Variants in SPOCK3 observed in about 807,000 individuals in gnomAD.
SPOCK3 encodes the protein SPARC (osteonectin), cwcv and kazal like domains proteoglycan 3.
A neutral mutation model predicts 56.6 loss-of-function variants in SPOCK3; 30 were observed. The ratio of observed to expected loss-of-function variants is 0.53; its 90% CI spans 0.40 to 0.72. The LOEUF (loss-of-function observed/expected upper bound fraction) is 0.72. Ranked by LOEUF, SPOCK3 falls within the 30% of genes least tolerant of loss-of-function variation. The probability of loss-of-function intolerance (pLI) is 0.00; values close to 1 mark genes in which losing one functional copy is unlikely to be tolerated. For synonymous variants in SPOCK3, 196 were observed against 183.3 expected (o/e 1.07, Z -0.56); for missense variants, 527 against 530.0 (o/e 0.99, Z 0.06).
At chr4:167,136,975 C>A (rs565685452) in intron 2 of SPOCK3, among the ~76,000 whole-genome samples, 1 of 152,126 alleles carries the variant, frequency 6.6e-6, no homozygotes, top group South Asian at 2.1e-4. Flanking sequence ...CACCTCAGTT[C>A]TCTCACCCAT....
intron 7 of SPOCK3, among the ~76,000 whole-genome samples, chr4:166,768,154 T>C (rs1314298883): frequency 6.6e-6 from 1 of 152,212 alleles, no homozygotes; most frequent in Non-Finnish European, 1.5e-5. Flanking sequence ...TTTGCCAGTC[T>C]GTGTCTTTTA....
chr4:166,974,312 G>A (rs939543411), intron 4 of SPOCK3, among the ~76,000 whole-genome samples: 4 of 152,080 alleles, frequency 2.6e-5, no homozygotes, highest in Admixed American at 2.0e-4. Flanking sequence ...AGATCATAGA[G>A]TTTGGAATTG....
intron 2 of SPOCK3, among the ~76,000 whole-genome samples, chr4:167,066,629 A>G (rs1756166643): frequency 6.6e-6 from 1 of 151,890 alleles, no homozygotes; most frequent in Admixed American, 6.6e-5. Context: ...TTTTTCTCCA[A>G]AATATTTAAT....
intron 2 of SPOCK3, among the ~76,000 whole-genome samples, chr4:167,096,876 A>G (rs1759204697): frequency 6.6e-6 from 1 of 151,932 alleles, no homozygotes; most frequent in Non-Finnish European, 1.5e-5. Flanking sequence ...CAACTATAGT[A>G]ATGGATACAT....
intron 2 of SPOCK3, among the ~76,000 whole-genome samples, chr4:167,210,001 A>C (rs1222299192): frequency 6.6e-6 from 1 of 152,114 alleles, no homozygotes. Context: ...GACTTTGTGG[A>C]TATCCATCAA....
intron 2 of SPOCK3, among the ~76,000 whole-genome samples, chr4:167,153,874 G>A (rs2150421577): frequency 6.8e-6 from 1 of 146,920 alleles, no homozygotes; most frequent in South Asian, 2.2e-4. Flanking sequence ...GTTTAAGCGG[G>A]GAAAAATGAC....
intron 6 of SPOCK3, among the ~76,000 whole-genome samples, chr4:166,828,299 T>C (rs1464440073): frequency 6.6e-6 from 1 of 152,180 alleles, no homozygotes; most frequent in East Asian, 1.9e-4. Context: ...TACAATTTCA[T>C]ACTTAAATAA....
intron 2 of SPOCK3, among the ~76,000 whole-genome samples, chr4:167,136,554 C>A (rs902642306): frequency 6.6e-6 from 1 of 152,056 alleles, no homozygotes; most frequent in Admixed American, 6.6e-5. Flanking sequence ...CTATTTGCAA[C>A]AATAAAGATC....
chr4:167,219,398 G>A (rs567675318), intron 2 of SPOCK3, among the ~76,000 whole-genome samples: 1 of 152,306 alleles, frequency 6.6e-6, no homozygotes, highest in East Asian at 1.9e-4. Flanking sequence ...AAGTCACAAA[G>A]TAGTTTGGTA....
At chr4:166,950,906 T>C (rs1400100457) in intron 4 of SPOCK3, among the ~76,000 whole-genome samples, 56 of 142,014 alleles carry the variant, frequency 3.9e-4, no homozygotes, top group African/African-American at 1.6e-3. Flanking sequence ...AGACACAACA[T>C]ACCAGAATCT....
intron 7 of SPOCK3, among the ~76,000 whole-genome samples, chr4:166,767,388 G>A (rs374844800): frequency 6.6e-6 from 1 of 151,928 alleles, no homozygotes; most frequent in African/African-American, 2.4e-5. Context: ...GGTATGTTTT[G>A]TCTTTGTTCT....
At position 166,802,875 on chromosome 4, in the gene SPOCK3, C is replaced by T. The variant is rs139130978; in HGVS notation, c.590-10586G>A. ...AGTAAAATGCACATAAGCCTCATTC[C>T]AGGGCAGATTTGAGCAATTCTAAAC... On this transcript the variant is annotated intron_variant, in intron 6 of 10. Transcript: ENST00000357545. Among the ~76,000 whole-genome samples the T allele has an allele frequency of 2.7e-3, 411 of 152,054 alleles. 3 individuals are homozygous for T. Among genetic ancestry groups the T allele is most frequent in the African/African-American group, 9.2e-3 (382 of 41,466 alleles).
intron 6 of SPOCK3, among the ~76,000 whole-genome samples, chr4:166,860,383 T>A (rs1182829944): frequency 6.6e-6 from 1 of 152,072 alleles, no homozygotes; most frequent in Non-Finnish European, 1.5e-5. Context: ...CAATAGAATT[T>A]TTTACACCAC....
intron 6 of SPOCK3, among the ~76,000 whole-genome samples, chr4:166,840,780 T>TTTTTTG (rs1553984911): frequency 7.2e-6 from 1 of 138,644 alleles, no homozygotes; most frequent in East Asian, 2.4e-4. Context: ...AGTTTTTTTT[T>TTTTTTG]TTTTTTTTTT....
At chr4:167,145,539 A>C (rs1266929769) in intron 2 of SPOCK3, among the ~76,000 whole-genome samples, 2 of 152,026 alleles carry the variant, frequency 1.3e-5, no homozygotes. Flanking sequence ...GGAACCAAGA[A>C]AAATATCTGA....
chr4:167,060,975 A>G (rs987506645), intron 3 of SPOCK3, among the ~76,000 whole-genome samples: 1 of 152,094 alleles, frequency 6.6e-6, no homozygotes, highest in African/African-American at 2.4e-5. Flanking sequence ...AACATTAGCT[A>G]TTATCATGTC....
intron 2 of SPOCK3, among the ~76,000 whole-genome samples, chr4:167,230,293 T>C (rs1351499829): frequency 6.6e-6 from 1 of 151,880 alleles, no homozygotes; most frequent in Non-Finnish European, 1.5e-5. Context: ...AATATAAATA[T>C]TTGAAATATG....
chr4:167,156,347 T>A (rs1043894082), intron 2 of SPOCK3, among the ~76,000 whole-genome samples: 2 of 152,182 alleles, frequency 1.3e-5, no homozygotes, highest in Non-Finnish European at 2.9e-5. Flanking sequence ...AACGCAGGGA[T>A]GCAGTAACTT....
At chr4:167,216,641 A>C (rs1392193082) in intron 2 of SPOCK3, among the ~76,000 whole-genome samples, 1 of 152,096 alleles carries the variant, frequency 6.6e-6, no homozygotes, top group Non-Finnish European at 1.5e-5. Context: ...AGGTCATTTA[A>C]ATTTTTTTTG....
Sources: gnomAD v4.1 joint callset for allele counts (sites outside exome capture counted in the v4.1 genomes callset) on GRCh38, gnomAD v4.1.1 for gene constraint, MANE v1.5 for transcripts, NCBI Gene and HGNC (gene_info 2026-07-23, HGNC 2026-07-21) for gene names.